The following SEMA6D variants were observed in gnomAD, a reference collection of about 807,000 sequenced individuals.
SEMA6D encodes the protein semaphorin-6D.
A neutral mutation model predicts 106.6 loss-of-function variants in SEMA6D; 35 were observed. The ratio of observed to expected loss-of-function variants is 0.33; its 90% CI spans 0.25 to 0.44. The LOEUF (loss-of-function observed/expected upper bound fraction) is 0.44. Among genes scored for constraint, SEMA6D ranks in the 20% least tolerant of loss-of-function variants. The probability of loss-of-function intolerance (pLI) is 1.00; values close to 1 mark genes in which losing one functional copy is unlikely to be tolerated. For synonymous variants in SEMA6D, 499 were observed against 487.7 expected (o/e 1.02, Z -0.31); for missense variants, 1,185 against 1,345.9 (o/e 0.88, Z 1.87).
upstream of SEMA6D, among the ~76,000 whole-genome samples, chr15:47,714,850 G>C (rs2079081699): frequency 1.3e-5 from 2 of 152,232 alleles, no homozygotes; most frequent in South Asian, 2.1e-4. Context: ...TCCATTGTTA[G>C]ATCTGTTTAA....
At position 47,609,211 on chromosome 15, in the gene SEMA6D, A is replaced by G. The variant is rs117584896; in HGVS notation, c.-55+8315A>G. On this transcript the variant is annotated intron_variant, in intron 4 of 19. Coordinates refer to the SEMA6D transcript ENST00000558014. Reference sequence around the variant, plus strand: ...GTTTCTGTCTGTAACTTTTGCGTCTATGTTACCTTTACAGCCCATTACATA... The same window carrying G: ...GTTTCTGTCTGTAACTTTTGCGTCTGTGTTACCTTTACAGCCCATTACATA... Among the ~76,000 whole-genome samples the G allele has an allele frequency of 7.0e-3, 1,070 of 152,324 alleles. 5 individuals are homozygous for G. Among genetic ancestry groups the G allele is most frequent in the Admixed American group, 0.018 (280 of 15,304 alleles).
intron 2 of SEMA6D, among the ~76,000 whole-genome samples, chr15:47,436,805 A>G (rs983130386): frequency 6.7e-6 from 1 of 148,726 alleles, no homozygotes; most frequent in African/African-American, 2.5e-5. Context: ...GTGGTGGTGC[A>G]TGCCTATAGT....
chr15:47,368,698 T>G (rs2039154706), intron 1 of SEMA6D, among the ~76,000 whole-genome samples: 1 of 152,152 alleles, frequency 6.6e-6, no homozygotes, highest in Admixed American at 6.5e-5. Context: ...AATCCTTGTA[T>G]TATATTTCCA....
At chr15:47,657,434 T>C (rs2077818338) in intron 4 of SEMA6D, among the ~76,000 whole-genome samples, 1 of 152,142 alleles carries the variant, frequency 6.6e-6, no homozygotes. Flanking sequence ...GTTTTTAATA[T>C]TATTAATTTT....
At chr15:47,521,082 C>G (rs1262385181) in intron 3 of SEMA6D, among the ~76,000 whole-genome samples, 1 of 152,104 alleles carries the variant, frequency 6.6e-6, no homozygotes, top group African/African-American at 2.4e-5. Context: ...GCTTGGAGGG[C>G]CTTGCTGACA....
intron 1 of SEMA6D, among the ~76,000 whole-genome samples, chr15:47,334,696 G>C (rs1484900542): frequency 6.6e-6 from 1 of 152,124 alleles, no homozygotes; most frequent in Non-Finnish European, 1.5e-5. Flanking sequence ...CATGTGGTTT[G>C]GAAAGAAAAA....
rs531596 is a variant in SEMA6D, at chr15:47,766,017, C to T, written c.1568+8C>T. On this transcript the variant is annotated splice_region_variant and intron_variant, in intron 14 of 18. Coordinates refer to ENST00000536845, the MANE Select transcript of SEMA6D (RefSeq NM_001358351.3). The stretch of plus-strand genomic sequence containing the variant: ...TTATGGATCATGTAAAAAGTAAGCT[C>T]GTGTTTCTTTACTTACCCTGGGTCT... 425,430 of 1,602,332 alleles carry T rather than the reference C, an allele frequency of 0.27. 57,865 individuals carry two copies. The highest frequency in any genetic ancestry group is 0.29 in the South Asian group (26,043 of 89,650).
At chr15:47,199,226 T>C (rs1363573028) in intron 1 of SEMA6D, among the ~76,000 whole-genome samples, 1 of 152,206 alleles carries the variant, frequency 6.6e-6, no homozygotes, top group Non-Finnish European at 1.5e-5. Flanking sequence ...AAGAGGTTTA[T>C]ATTAAGGTGC....
At chr15:47,763,588 G>C (rs1310543945) in intron 9 of SEMA6D, among the ~76,000 whole-genome samples, 1 of 152,144 alleles carries the variant, frequency 6.6e-6, no homozygotes, top group Non-Finnish European at 1.5e-5. Flanking sequence ...CCAAGTGCAG[G>C]GATGGTTTTC....
chr15:47,418,802 A>G (rs1346945926), intron 2 of SEMA6D, among the ~76,000 whole-genome samples: 1 of 152,144 alleles, frequency 6.6e-6, no homozygotes, highest in Non-Finnish European at 1.5e-5. Context: ...CTTGACTAAG[A>G]GCACAAAGAA....
At chr15:47,377,046 G>A (rs1038982265) in intron 1 of SEMA6D, among the ~76,000 whole-genome samples, 2 of 152,106 alleles carry the variant, frequency 1.3e-5, no homozygotes, top group East Asian at 3.9e-4. Context: ...AGCTGTATAC[G>A]ATGAGTAATT....
chr15:47,650,447 G>A (rs1027011248), intron 4 of SEMA6D, among the ~76,000 whole-genome samples: 5 of 152,160 alleles, frequency 3.3e-5, no homozygotes, highest in Admixed American at 2.6e-4. Flanking sequence ...CATTAAAGAT[G>A]CTCTATATAA....
At chr15:47,637,189 C>T (rs573540415) in intron 4 of SEMA6D, among the ~76,000 whole-genome samples, 77 of 152,320 alleles carry the variant, frequency 5.1e-4, no homozygotes, top group South Asian at 2.1e-3. Flanking sequence ...GTGTAGCTAT[C>T]GCTTATTGTT....
chr15:47,398,371 T>G (rs2040287201), intron 1 of SEMA6D, among the ~76,000 whole-genome samples: 1 of 152,238 alleles, frequency 6.6e-6, no homozygotes, highest in Admixed American at 6.5e-5. Context: ...TTAAACCATC[T>G]AAAATCACAG....
intron 2 of SEMA6D, among the ~76,000 whole-genome samples, chr15:47,417,442 TCAGA>T (rs1567065117): frequency 3.1e-4 from 46 of 146,150 alleles, no homozygotes; most frequent in Non-Finnish European, 6.7e-4. Flanking sequence ...TGTGTGTGTG[TCAGA>T]GAGAGAGAGA....
At position 47,468,183 on chromosome 15, in the gene SEMA6D, G is replaced by A. The variant is rs1023311699; in HGVS notation, c.-158-2291G>A. ...TGTTACTGTGTGTTTGTGTGCGGGT[G>A]TGTGTGTGTGTATGTGTGTTCATAC... is the stretch of plus-strand genomic sequence containing the variant. On this transcript the variant is annotated intron_variant, in intron 2 of 19. Coordinates refer to the SEMA6D transcript ENST00000558014. Among the ~76,000 whole-genome samples the A allele has an allele frequency of 4.0e-5, 6 of 151,560 alleles. No homozygotes were observed. In the East Asian group the frequency reaches 1.2e-3, roughly 29 times the overall value.
chr15:47,602,169 A>G (rs575224553), intron 4 of SEMA6D, among the ~76,000 whole-genome samples: 57 of 152,320 alleles, frequency 3.7e-4, no homozygotes, highest in Admixed American at 3.2e-3. Flanking sequence ...CATAATTCTT[A>G]CAATTCTATA....
At chr15:47,394,103 C>A (rs986700500) in intron 1 of SEMA6D, among the ~76,000 whole-genome samples, 1 of 152,064 alleles carries the variant, frequency 6.6e-6, no homozygotes, top group Admixed American at 6.6e-5. Flanking sequence ...AAGCTGTAGC[C>A]CTTGTCATGG....
At chr15:47,400,086 A>G (rs1205915610) in intron 1 of SEMA6D, among the ~76,000 whole-genome samples, 1 of 152,224 alleles carries the variant, frequency 6.6e-6, no homozygotes, top group Non-Finnish European at 1.5e-5. Flanking sequence ...AGTTAGCCCT[A>G]TGAAATGTTT....
Sources: allele counts gnomAD v4.1 joint callset (sites outside exome capture counted in the v4.1 genomes callset), GRCh38; gene constraint gnomAD v4.1.1; transcripts MANE v1.5; gene names NCBI Gene and HGNC (gene_info 2026-07-23, HGNC 2026-07-21).